The following POR variants were observed in gnomAD, a reference collection of about 807,000 sequenced individuals.
POR encodes the protein NADPH--cytochrome P450 reductase.
Under a neutral mutation model 84.0 loss-of-function variants are expected in POR, and 56 were observed. The observed-to-expected ratio is 0.67, with a 90% CI of 0.54 to 0.83. POR has a LOEUF of 0.83. POR is among the 40% of genes least tolerant of loss of function. The probability of loss-of-function intolerance (pLI) is 0.00; values close to 1 mark genes in which losing one functional copy is unlikely to be tolerated. For missense variants in POR, 938 were observed against 944.3 expected (o/e 0.99, Z 0.09); for synonymous variants, 414 against 400.5 (o/e 1.03, Z -0.40).
chr7:75,938,024 C>T (rs1438949837), intron 1 of POR, among the ~76,000 whole-genome samples: 1 of 152,214 alleles, frequency 6.6e-6, no homozygotes, highest in Non-Finnish European at 1.5e-5. Context: ...GCAGCTGCAG[C>T]ATCAGCCCCT....
intron 1 of POR, chr7:75,923,489 AAGCTTGTGTTATTTTT>A: frequency 2.0e-6 from 1 of 509,436 alleles, no homozygotes; most frequent in Non-Finnish European, 3.5e-6. Flanking sequence ...AATGAACTGG[AAGCTTGTGTTATTTTT>A]GGGGGCGGGG....
intron 1 of POR, among the ~76,000 whole-genome samples, chr7:75,926,531 C>T (rs1405477235): frequency 3.3e-5 from 5 of 152,102 alleles, no homozygotes; most frequent in African/African-American, 1.2e-4. Flanking sequence ...TGTGGTGGCT[C>T]ACACCTGTAA....
chr7:75,939,328 G>A (rs2116327870), intron 1 of POR, among the ~76,000 whole-genome samples: 1 of 152,352 alleles, frequency 6.6e-6, no homozygotes, highest in Middle Eastern at 3.4e-3. Flanking sequence ...TTAGTGCTTT[G>A]GGCCTCACAG....
intron 2 of POR, 39 bp from the exon 3 acceptor site, chr7:75,972,374 A>G: frequency 6.3e-7 from 1 of 1,584,790 alleles, no homozygotes; most frequent in Non-Finnish European, 8.6e-7. Context: ...GTCCCATGAC[A>G]CCTGCCTCCC....
chr7:75,983,989 C>A (rs1474999811), intron 10 of POR, 133 bp downstream of exon 10: 1 of 703,804 alleles, frequency 1.4e-6, no homozygotes, highest in Non-Finnish European at 2.3e-6. Context: ...CGAGACTCCA[C>A]GGTTACAGGA....
In POR at chr7:75,984,961, GCGCCCCCTCAGCCCCCGCAACCTC is replaced by G. The variant is rs782146699; in HGVS notation, c.1248+10_1248+33del. On this transcript the variant is annotated splice_donor_5th_base_variant and intron_variant, in intron 11 of 15. Transcript: ENST00000461988. ...CCTCCTCCTCCGGCGAGGGCAAGGT[GCGCCCCCTCAGCCCCCGCAACCTC>G]CGCCCCGTCACCCCGCCGTTTTCCG... 6.1e-4 allele frequency: 968 copies of G among 1,589,316 alleles called. 3 individuals carry two copies. The Middle Eastern group carries it at 6.5e-3, about 11-fold the overall frequency.
intron 3 of POR, among the ~76,000 whole-genome samples, chr7:75,978,305 G>GA (rs560204646): frequency 3.3e-5 from 5 of 152,238 alleles, no homozygotes; most frequent in African/African-American, 1.2e-4. Flanking sequence ...AATATTTGGA[G>GA]AAAAAATGGA....
At chr7:75,982,023 C>A in intron 7 of POR, 1 of 594,942 alleles carries the variant, frequency 1.7e-6, no homozygotes, top group Non-Finnish European at 3.0e-6. Context: ...GTCTGGCCCC[C>A]GGCAGCTCCA....
chr7:75,977,849 G>A lies in POR; in HGVS notation c.238-1602G>A, dbSNP rs143119690. ...GGCACTGAAGACCAGGCACTGCAGA[G>A]AACCTCACATGTGCATGAGGGGCCA... is the stretch of plus-strand genomic sequence containing the variant. On this transcript the variant is annotated intron_variant, in intron 3 of 15. Coordinates refer to ENST00000461988, the MANE Select transcript of POR (RefSeq NM_000941.3). Among the ~76,000 whole-genome samples, 202 of 152,284 alleles carry A rather than the reference G, an allele frequency of 1.3e-3. 8 individuals are homozygous for A. The South Asian group carries it at 0.037, about 28-fold the overall frequency.
At position 75,936,270 on chromosome 7, in the gene POR, A is replaced by AT. The variant is rs1361778706; in HGVS notation, c.-4-17704dup. Among the ~76,000 whole-genome samples, 696 of 136,354 alleles carry AT rather than the reference A, an allele frequency of 5.1e-3. 3 individuals carry two copies. Among genetic ancestry groups the AT allele is most frequent in the African/African-American group, 0.012 (442 of 37,672 alleles). The allele number at this position is 136,354 out of a possible 152,430, so 89.5% of individuals were successfully genotyped here. A position where few individuals can be genotyped will look rare whatever the true frequency, so the allele number is the denominator to read the frequency against. Reference sequence around the variant, plus strand: ...AGGTGCATGCTGCGACACCTGGATAATTTTTTTTTTTTTTTGAGATGGAGG... The same window carrying AT: ...AGGTGCATGCTGCGACACCTGGATAATTTTTTTTTTTTTTTTGAGATGGAGG... On this transcript the variant is annotated intron_variant, in intron 1 of 15. Coordinates refer to ENST00000461988, the MANE Select transcript of POR (RefSeq NM_000941.3).
chr7:75,982,034 C>G, intron 7 of POR, 190 bp from the exon 8 acceptor site: 1 of 604,346 alleles, frequency 1.7e-6, no homozygotes. Context: ...GGCAGCTCCA[C>G]GCCGCCTCCC....
At position 75,983,783 on chromosome 7, in the gene POR, T is replaced by C. The variant is rs1554558538; in HGVS notation, c.993T>C (p.Ser331=). Residue 331 remains serine, a synonymous_variant, in exon 10 of 16, where the codon TCT becomes TCC. Coordinates refer to ENST00000461988, the MANE Select transcript of POR (RefSeq NM_000941.3). Reference sequence around the variant, plus strand: ...TGGCTGTGTACCCAGCCAACGACTCTGCTCTCGTCAACCAGCTGGGCAAAA... The same window carrying C: ...TGGCTGTGTACCCAGCCAACGACTCCGCTCTCGTCAACCAGCTGGGCAAAA... 1.2e-6 allele frequency: 2 copies of C among 1,612,368 alleles called. No homozygotes were observed. Among genetic ancestry groups the C allele is most frequent in the African/African-American group, 1.3e-5 (1 of 74,936 alleles).
intron 1 of POR, among the ~76,000 whole-genome samples, chr7:75,943,099 G>A (rs890434532): frequency 1.9e-4 from 29 of 151,616 alleles, no homozygotes; most frequent in Non-Finnish European, 7.4e-5. Flanking sequence ...CTACAGGCAC[G>A]TGGCACCACA....
At chr7:75,985,437 GGAGGGGGCCTCT>G in intron 12 of POR, 130 bp from the exon 13 acceptor site, 1 of 1,186,864 alleles carries the variant, frequency 8.4e-7, no homozygotes, top group South Asian at 1.7e-5. Flanking sequence ...AAGCCGCTGG[GGAGGGGGCCTCT>G]GAGGTTTGGG....
chr7:75,964,012 T>C (rs1563419806), intron 2 of POR, among the ~76,000 whole-genome samples: 1 of 151,950 alleles, frequency 6.6e-6, no homozygotes, highest in Non-Finnish European at 1.5e-5. Flanking sequence ...TTTCTTTTTT[T>C]TTTTTGAGAT....
At chr7:75,978,274 A>G (rs1436899509) in intron 3 of POR, among the ~76,000 whole-genome samples, 1 of 152,240 alleles carries the variant, frequency 6.6e-6, no homozygotes, top group Non-Finnish European at 1.5e-5. Flanking sequence ...TCGGAGTTCA[A>G]GAATTCAACT....
At chr7:75,974,240 G>T (rs1788570755) in intron 3 of POR, among the ~76,000 whole-genome samples, 1 of 152,144 alleles carries the variant, frequency 6.6e-6, no homozygotes, top group Non-Finnish European at 1.5e-5. Context: ...CCCAGAAGTG[G>T]AATTGCTGGA....
At chr7:75,972,562 C>T in intron 3 of POR, 101 bp downstream of exon 3, 1 of 1,177,714 alleles carries the variant, frequency 8.5e-7, no homozygotes, top group East Asian at 2.5e-5. Context: ...TAGAGGATGT[C>T]CCGGTGGCCA....
chr7:75,973,470 C>T lies in POR; in HGVS notation c.237+1009C>T, dbSNP rs180977771. ...CTGGGACTACAGGTGCACACCACCA[C>T]GCCTGGCTAATTTTTTAATTTATTC... On this transcript the variant is annotated intron_variant, in intron 3 of 15. Transcript: ENST00000461988. Among the ~76,000 whole-genome samples, 206 of 152,038 alleles carry T rather than the reference C, an allele frequency of 1.4e-3. No individual in the cohort carries two copies. The Middle Eastern group carries it at 0.014, about 10-fold the overall frequency.
Sources: allele counts gnomAD v4.1 joint callset (sites outside exome capture counted in the v4.1 genomes callset), GRCh38; gene constraint gnomAD v4.1.1; transcripts MANE v1.5; gene names NCBI Gene and HGNC (gene_info 2026-07-23, HGNC 2026-07-21).